The following TAF1C variants were observed in gnomAD, a reference collection of about 807,000 sequenced individuals.
TAF1C encodes the protein TATA-box binding protein associated factor, RNA polymerase I subunit C.
A neutral mutation model predicts 70.5 loss-of-function variants in TAF1C; 79 were observed. The ratio of observed to expected loss-of-function variants is 1.12; its 90% CI spans 0.93 to 1.35. TAF1C has a LOEUF of 1.35. Ranked by LOEUF, TAF1C falls within the 40% of genes most tolerant of loss-of-function variation. The pLI is 0.00. For synonymous variants in TAF1C, 614 were observed against 491.1 expected, an observed-to-expected ratio of 1.25 and a Z score of -3.31; for missense variants, 1,412 against 1,127.8, an observed-to-expected ratio of 1.25 and a Z score of -3.61.
intron 1 of TAF1C, 56 bp from the exon 2 acceptor site, chr16:84,185,116 C>CA: frequency 8.3e-7 from 1 of 1,206,566 alleles, no homozygotes; most frequent in Non-Finnish European, 1.1e-6. Context: ...AAGCAGATAA[C>CA]AAAAAACAAA....
intron 12 of TAF1C, chr16:84,180,566 G>C (rs1037360989): frequency 3.3e-6 from 2 of 604,354 alleles, no homozygotes; most frequent in Non-Finnish European, 5.5e-6. Context: ...GACAGAACAA[G>C]TGGGAAAGGG....
Position 84,181,136 on chromosome 16 carries a change from C to A in TAF1C, c.1215G>T (p.Ser405=), listed in dbSNP as rs751556930. The change falls in exon 12 of 15, where the codon TCG becomes TCT. Residue 405 remains serine, a synonymous_variant. Transcript: ENST00000566732. ...GCAGGACACGTTCCCCTTTCTGGCA[C>A]GAAGCCTCTGCCCCCAAACGAAAAA... ...LLLFRLGAEA[S]CQKGERVLLT... 4 of 1,612,714 alleles carry A rather than the reference C, an allele frequency of 2.5e-6. No homozygotes were observed. The highest frequency in any genetic ancestry group is 3.4e-6 in the Non-Finnish European group (4 of 1,179,048).
In TAF1C at chr16:84,178,774, G is replaced by T; in HGVS notation, c.*167C>A. On this transcript the variant is annotated 3_prime_UTR_variant, in exon 15 of 15. Transcript: ENST00000566732. ...ACAAAAGAAACTACTACTGTATTTTGTTGCCCTGTCCCTTCAACTTGGCTC... is the reference window on the plus strand; with the variant it reads ...ACAAAAGAAACTACTACTGTATTTTTTTGCCCTGTCCCTTCAACTTGGCTC... 1.5e-6 allele frequency: 1 copy of T among 665,148 alleles called. No homozygotes were observed. The highest frequency in any genetic ancestry group is 2.7e-5 in the East Asian group (1 of 36,554). 41.2% of individuals were successfully genotyped at this position (665,148 alleles called of 1,614,324 possible).
At position 84,178,842 on chromosome 16, in the gene TAF1C, C is replaced by A. The variant is rs1306826518; in HGVS notation, c.*99G>T. 2 of 1,358,628 alleles carry A rather than the reference C, an allele frequency of 1.5e-6. No homozygotes were observed. Among genetic ancestry groups the A allele is most frequent in the South Asian group, 2.9e-5 (2 of 68,998 alleles). The allele number at this position is 1,358,628 out of a possible 1,614,324, so 84.2% of individuals were successfully genotyped here. A position where few individuals can be genotyped will look rare whatever the true frequency, so the allele number is the denominator to read the frequency against. On this transcript the variant is annotated 3_prime_UTR_variant, in exon 15 of 15. Transcript: ENST00000566732. ...CATCACAGTGGCCTCCAGAAGGTGG[C>A]GAGCTCTGCTTCTCAAGTTTCAACT... is the stretch of plus-strand genomic sequence containing the variant.
intron 2 of TAF1C, among the ~76,000 whole-genome samples, chr16:84,184,492 AG>A (rs1382023526): frequency 1.3e-5 from 2 of 152,214 alleles, no homozygotes; most frequent in East Asian, 3.9e-4. Flanking sequence ...ATGCTGTTTC[AG>A]CATCCTTCTG....
chr16:84,186,002 G>A (rs2089462940), intron 1 of TAF1C, among the ~76,000 whole-genome samples: 1 of 152,202 alleles, frequency 6.6e-6, no homozygotes, highest in Non-Finnish European at 1.5e-5. Flanking sequence ...AAATAACAGG[G>A]GCAAAAATAA....
chr16:84,186,218 C>T (rs1224567874), intron 1 of TAF1C, among the ~76,000 whole-genome samples: 1 of 152,196 alleles, frequency 6.6e-6, no homozygotes, highest in African/African-American at 2.4e-5. Context: ...CTCGCATGCA[C>T]CGAAATGCAA....
chr16:84,180,346 TG>T lies in TAF1C; in HGVS notation c.1309-3del, dbSNP rs746759379. 122 of 1,538,742 alleles carry T rather than the reference TG, an allele frequency of 7.9e-5. No individual in the cohort carries two copies. The highest frequency in any genetic ancestry group is 1.0e-4 in the Non-Finnish European group (116 of 1,145,528). The stretch of plus-strand genomic sequence containing the variant: ...CTCGTCCACTAGGTAGAGAGAGAAC[TG>T]GGGCCCGAGAAGGAAGGGGGATGTG... On this transcript the variant is annotated splice_polypyrimidine_tract_variant and splice_region_variant and intron_variant, in intron 12 of 14. Transcript: ENST00000566732.
In TAF1C at chr16:84,181,851, A is replaced by G; in HGVS notation, c.851T>C (p.Val284Ala). 6.2e-7 allele frequency: 1 copy of G among 1,614,156 alleles called. No individual in the cohort carries two copies. The highest frequency in any genetic ancestry group is 8.5e-7 in the Non-Finnish European group (1 of 1,180,018). Residue 284 changes from valine (V) to alanine (A), a missense_variant, in exon 9 of 15, where the codon GTC becomes GCC. Physicochemically the swap from Val to Ala is moderately conservative, Grantham distance 64. Coordinates refer to ENST00000566732, the MANE Select transcript of TAF1C (RefSeq NM_001243156.2). ...CACGGCACAGTGGTAGTCAGAGCGG[A>G]CGGCCAGCAGAGCTGAGGAGGGATG... is the stretch of plus-strand genomic sequence containing the variant. Reference protein sequence around the residue: ...CTVQGETLLAVRSDYHCAVWK... With the variant: ...CTVQGETLLAARSDYHCAVWK...
intron 12 of TAF1C, chr16:84,180,749 C>G: frequency 7.9e-7 from 1 of 1,265,880 alleles, no homozygotes; most frequent in Non-Finnish European, 1.0e-6. Context: ...TCCTGCACAG[C>G]AGAAACTCTC....
At position 84,181,155 on chromosome 16, in the gene TAF1C, C is replaced by T. The variant is rs372313852; in HGVS notation, c.1196G>A (p.Arg399His). The change falls in exon 12 of 15, where the codon CGT (arginine) becomes CAT (histidine). Residue 399 changes from arginine (R) to histidine (H), a missense_variant. Physicochemically the swap from Arg to His is conservative, Grantham distance 29. Transcript: ENST00000566732. ...GPPGCGLLLFRLGAEASCQKG... is the reference protein window; with the variant it reads ...GPPGCGLLLFHLGAEASCQKG... ...CTGGCACGAAGCCTCTGCCCCCAAACGAAAAAGCAACAGACCACAGCCCGG... is the reference window on the plus strand; with the variant it reads ...CTGGCACGAAGCCTCTGCCCCCAAATGAAAAAGCAACAGACCACAGCCCGG... The T allele has an allele frequency of 7.2e-5, 116 of 1,611,362 alleles. No homozygotes were observed. The highest frequency in any genetic ancestry group is 9.3e-5 in the African/African-American group (7 of 74,868).
At position 84,184,863 on chromosome 16, in the gene TAF1C, G is replaced by C. The variant is rs1384240139; in HGVS notation, c.126C>G (p.Pro42=). The change falls in exon 2 of 15, where the codon CCC becomes CCG. Residue 42 remains proline, a synonymous_variant. Coordinates refer to ENST00000566732, the MANE Select transcript of TAF1C (RefSeq NM_001243156.2). ...CCTGCATCCTCACCTCTGAGTTCTGGGGCTGGGCCTCTGGCAGAGTCAGTG... is the reference window on the plus strand; with the variant it reads ...CCTGCATCCTCACCTCTGAGTTCTGCGGCTGGGCCTCTGGCAGAGTCAGTG... ...RDALTLPEAQ[P]QNSENGALHV... The C allele has an allele frequency of 6.2e-7, 1 of 1,606,692 alleles. No homozygotes were observed. The highest frequency in any genetic ancestry group is 8.5e-7 in the Non-Finnish European group (1 of 1,176,856).
Position 84,180,038 on chromosome 16 carries a change from A to G in TAF1C, c.1529T>C (p.Leu510Pro), listed in dbSNP as rs2089044999. ...AGGGAGGGAGTCGATCCTGGAAGGAAGAGACTGGGGGGGGCCTGCCAGGCG... is the reference window on the plus strand; with the variant it reads ...AGGGAGGGAGTCGATCCTGGAAGGAGGAGACTGGGGGGGGCCTGCCAGGCG... ...VPRLAGPPQSLPSRIDSLPAF... is the reference protein window; with the variant it reads ...VPRLAGPPQSPPSRIDSLPAF... The change falls in exon 14 of 15, where the codon CTT becomes CCT. Residue 510 changes from leucine (L) to proline (P), a missense_variant. By Grantham distance (98) the Leu-to-Pro change is moderately conservative. Transcript: ENST00000566732. 6.8e-6 allele frequency: 11 copies of G among 1,609,332 alleles called. No homozygotes were observed. Among genetic ancestry groups the G allele is most frequent in the Non-Finnish European group, 9.3e-6 (11 of 1,178,376 alleles).
At position 84,184,906 on chromosome 16, in the gene TAF1C, A is replaced by G. The variant is rs565722556; in HGVS notation, c.83T>C (p.Met28Thr). ...AGTCAGTGCGTCTCGCCAGCTGCACATGAAAGAGAGGTCAGGGACGTCGCT... is the reference window on the plus strand; with the variant it reads ...AGTCAGTGCGTCTCGCCAGCTGCACGTGAAAGAGAGGTCAGGGACGTCGCT... ...GLSDVPDLSFMCSWRDALTLP... is the reference protein window; with the variant it reads ...GLSDVPDLSFTCSWRDALTLP... The change falls in exon 2 of 15, where the codon ATG (methionine) becomes ACG (threonine). Residue 28 changes from methionine (M) to threonine (T), a missense_variant. By Grantham distance (81) the Met-to-Thr change is moderately conservative. Coordinates refer to ENST00000566732, the MANE Select transcript of TAF1C (RefSeq NM_001243156.2). 6.2e-6 allele frequency: 10 copies of G among 1,613,530 alleles called. No homozygotes were observed. In the East Asian group the frequency reaches 6.7e-5, roughly 11 times the overall value.
chr16:84,177,920 G>GC lies in TAF1C; in HGVS notation c.*1020dup. 8.4e-7 allele frequency: 1 copy of GC among 1,193,592 alleles called. No homozygotes were observed. Among genetic ancestry groups the GC allele is most frequent in the Non-Finnish European group, 1.2e-6 (1 of 806,608 alleles). The allele number at this position is 1,193,592 out of a possible 1,614,324, so 73.9% of individuals were successfully genotyped here. On this transcript the variant is annotated 3_prime_UTR_variant, in exon 15 of 15. Coordinates refer to ENST00000566732, the MANE Select transcript of TAF1C (RefSeq NM_001243156.2). ...GCATGATAAACATTTTAACACCCAC[G>GC]CGAGTCAGTGTATGATTGGGCTAGC...
In TAF1C at chr16:84,181,835, G is replaced by A; in HGVS notation, c.867C>T (p.His289=). Residue 289 remains histidine, a synonymous_variant, in exon 9 of 15, where the codon CAC becomes CAT. Transcript: ENST00000566732. Reference sequence around the variant, plus strand: ...GTTTACCAAACTTCCACACGGCACAGTGGTAGTCAGAGCGGACGGCCAGCA... The same window carrying A: ...GTTTACCAAACTTCCACACGGCACAATGGTAGTCAGAGCGGACGGCCAGCA... ...ETLLAVRSDY[H]CAVWKFGKQW... 1.2e-6 allele frequency: 2 copies of A among 1,614,228 alleles called. No individual in the cohort carries two copies. The highest frequency in any genetic ancestry group is 1.7e-5 in the Admixed American group (1 of 60,030).
Position 84,179,711 on chromosome 16 carries a change from G to A in TAF1C, c.1762C>T (p.Pro588Ser), listed in dbSNP as rs765953645. The change falls in exon 15 of 15, where the codon CCT (proline) becomes TCT (serine). Residue 588 changes from proline to serine, a missense_variant. By Grantham distance (74) the Pro-to-Ser change is moderately conservative. Coordinates refer to ENST00000566732, the MANE Select transcript of TAF1C (RefSeq NM_001243156.2). The part of the protein sequence containing the change: ...DSSLRRDAGP[P>S]GDTQPDCHAP... Reference sequence around the variant, plus strand: ...TGGCAGTCAGGTTGGGTGTCGCCAGGAGGCCCAGCATCTCTGCGGAGGCTG... The same window carrying A: ...TGGCAGTCAGGTTGGGTGTCGCCAGAAGGCCCAGCATCTCTGCGGAGGCTG... 1.9e-6 allele frequency: 3 copies of A among 1,612,270 alleles called. No homozygotes were observed. Among genetic ancestry groups the A allele is most frequent in the African/African-American group, 2.7e-5 (2 of 74,908 alleles).
intron 1 of TAF1C, 133 bp from the exon 2 acceptor site, chr16:84,185,193 G>T (rs1248680288): frequency 3.7e-6 from 2 of 542,616 alleles, no homozygotes; most frequent in Non-Finnish European, 6.1e-6. Flanking sequence ...AGGAGAAGGG[G>T]ATCTGGTAGT....
At chr16:84,180,391 G>A (rs1375977172) in intron 12 of TAF1C, 47 bp from the exon 13 acceptor site, 1 of 1,518,774 alleles carries the variant, frequency 6.6e-7, no homozygotes, top group Non-Finnish European at 8.8e-7. Flanking sequence ...TGGGAGCTGA[G>A]CTGTGTAGTG....
Sources: gnomAD v4.1 joint callset for allele counts (sites outside exome capture counted in the v4.1 genomes callset) on GRCh38, gnomAD v4.1.1 for gene constraint, MANE v1.5 for transcripts, NCBI Gene and HGNC (gene_info 2026-07-23, HGNC 2026-07-21) for gene names.